DCLK1: variants seen among roughly 807,000 people sequenced by gnomAD.
DCLK1 encodes serine/threonine-protein kinase DCLK1.
Under a neutral mutation model 86.2 loss-of-function variants are expected in DCLK1, and 16 were observed. The ratio of observed to expected loss-of-function variants is 0.19; its 90% CI spans 0.13 to 0.28. DCLK1 has a LOEUF of 0.28. Ranked by LOEUF, DCLK1 falls within the 10% of genes least tolerant of loss-of-function variation. The pLI is 1.00. For missense variants in DCLK1, 590 were observed against 940.2 expected, an observed-to-expected ratio of 0.63 and a Z score of 4.87; for synonymous variants, 369 against 370.5, an observed-to-expected ratio of 1.00 and a Z score of 0.05.
In DCLK1 at chr13:35,805,796, T is replaced by C. The variant is rs767483569; in HGVS notation, c.1864-17A>G. ...AATGAGCTCCTGTGAAGGGGAACGT[T>C]AGAGTCCATTTATCTGAATTTAAGG... On this transcript the variant is annotated splice_polypyrimidine_tract_variant and intron_variant, in intron 14 of 16. Coordinates refer to ENST00000360631, the MANE Select transcript of DCLK1 (RefSeq NM_001330071.2). The C allele has an allele frequency of 6.2e-7, 1 of 1,608,860 alleles. No individual in the cohort carries two copies.
At chr13:35,992,897 A>G (rs1880299526) in intron 3 of DCLK1, among the ~76,000 whole-genome samples, 1 of 152,062 alleles carries the variant, frequency 6.6e-6, no homozygotes, top group Non-Finnish European at 1.5e-5. Context: ...GCACTGATAT[A>G]CTACTCCCCC....
At chr13:36,007,737 A>G (rs957450260) in intron 3 of DCLK1, among the ~76,000 whole-genome samples, 26 of 152,262 alleles carry the variant, frequency 1.7e-4, no homozygotes, top group Admixed American at 5.9e-4. Context: ...AGAAGAACAT[A>G]AACATTGAAA....
At chr13:35,790,184 T>C (rs1056672669) in intron 16 of DCLK1, among the ~76,000 whole-genome samples, 2 of 152,132 alleles carry the variant, frequency 1.3e-5, no homozygotes, top group Admixed American at 1.3e-4. Flanking sequence ...AAGAAAAAAA[T>C]GACAACATGA....
chr13:35,856,498 GA>G (rs1390240205), intron 5 of DCLK1, among the ~76,000 whole-genome samples: 3 of 152,106 alleles, frequency 2.0e-5, no homozygotes, highest in African/African-American at 7.2e-5. Flanking sequence ...AGATTGGAGG[GA>G]AAAAATGAGC....
chr13:35,778,325 A>C (rs1329915972), intron 16 of DCLK1, among the ~76,000 whole-genome samples: 1 of 152,216 alleles, frequency 6.6e-6, no homozygotes, highest in Non-Finnish European at 1.5e-5. Flanking sequence ...ATTATTACTC[A>C]AAATGATCCT....
intron 1 of DCLK1, among the ~76,000 whole-genome samples, chr13:36,130,475 C>G (rs2138231288): frequency 6.6e-6 from 1 of 152,274 alleles, no homozygotes; most frequent in Non-Finnish European, 1.5e-5. Context: ...TGGGGCATTG[C>G]GGGGCTGTGC....
chr13:35,849,262 CA>C, intron 6 of DCLK1: 1 of 985,040 alleles, frequency 1.0e-6, no homozygotes, highest in Non-Finnish European at 1.2e-6. Context: ...AACAATTTAT[CA>C]GGGAGATAAA....
Position 35,808,274 on chromosome 13 carries a change from G to C in DCLK1, c.1813C>G (p.Gln605Glu), listed in dbSNP as rs1184485999. 3.1e-6 allele frequency: 5 copies of C among 1,614,062 alleles called. No individual in the cohort carries two copies. Among genetic ancestry groups the C allele is most frequent in the Non-Finnish European group, 4.2e-6 (5 of 1,179,972 alleles). Reference protein sequence around the residue: ...EVLFDQILMGQVDFPSPYWDN... With the variant: ...EVLFDQILMGEVDFPSPYWDN... Reference sequence around the variant, plus strand: ...CAGTATGGAGAAGGAAAGTCCACCTGCCCCATCAAAATCTGATCAAAAAGC... The same window carrying C: ...CAGTATGGAGAAGGAAAGTCCACCTCCCCCATCAAAATCTGATCAAAAAGC... Residue 605 changes from glutamine (Q) to glutamate (E), a missense_variant, in exon 14 of 17, where the codon CAG (glutamine) becomes GAG (glutamate). This residue lies in a region of DCLK1 where 146 missense variants were observed against 190.2 expected (regional missense o/e 0.77). Transcript: ENST00000360631.
chr13:36,033,608 T>A (rs1882371402), intron 3 of DCLK1, among the ~76,000 whole-genome samples: 1 of 152,122 alleles, frequency 6.6e-6, no homozygotes, highest in Non-Finnish European at 1.5e-5. Flanking sequence ...AGTGCCAACC[T>A]GAGTCTGTTA....
intron 16 of DCLK1, among the ~76,000 whole-genome samples, chr13:35,785,913 C>T (rs2086613587): frequency 6.6e-6 from 1 of 152,198 alleles, no homozygotes; most frequent in Non-Finnish European, 1.5e-5. Context: ...TATAAAACTT[C>T]CTAATTAAGC....
At chr13:36,028,064 T>C (rs940840199) in intron 3 of DCLK1, among the ~76,000 whole-genome samples, 2 of 152,210 alleles carry the variant, frequency 1.3e-5, no homozygotes, top group African/African-American at 4.8e-5. Flanking sequence ...TTGTGATTCA[T>C]ATTTGATTTT....
chr13:35,936,962 C>CTTTTTTTGTTTTTTTTTTTTTTTTTT (rs1876787700), intron 4 of DCLK1, among the ~76,000 whole-genome samples: 1 of 65,712 alleles, frequency 1.5e-5, no homozygotes, highest in Non-Finnish European at 3.0e-5. Flanking sequence ...GAAAAGTTAG[C>CTTTTTTTGTTTTTTTTTTTTTTTTTT]TTTTTTTTTT....
At chr13:36,056,905 AAATATAT>A (rs952741201) in intron 3 of DCLK1, among the ~76,000 whole-genome samples, 1 of 138,190 alleles carries the variant, frequency 7.2e-6, no homozygotes, top group Non-Finnish European at 1.6e-5. Context: ...AAAAAAAAAA[AAATATAT>A]ATATATATAT....
Position 36,122,767 on chromosome 13 carries a change from G to A in DCLK1, c.376+2995C>T, listed in dbSNP as rs139367264. ...CAAACAAGAGTGTCACCTTTGGAATGCTCTTAAGTGTATGTGTGTGAATAT... is the reference window on the plus strand; with the variant it reads ...CAAACAAGAGTGTCACCTTTGGAATACTCTTAAGTGTATGTGTGTGAATAT... On this transcript the variant is annotated intron_variant, in intron 2 of 16. Coordinates refer to ENST00000360631, the MANE Select transcript of DCLK1 (RefSeq NM_001330071.2). Among the ~76,000 whole-genome samples the A allele has an allele frequency of 1.6e-3, 242 of 152,260 alleles. 1 individual carries two copies. The highest frequency in any genetic ancestry group is 5.5e-3 in the African/African-American group (228 of 41,532).
chr13:35,920,158 G>A (rs532089939), intron 4 of DCLK1, among the ~76,000 whole-genome samples: 3 of 152,248 alleles, frequency 2.0e-5, no homozygotes, highest in African/African-American at 4.8e-5. Context: ...AAATGTATAT[G>A]GACATCTCTC....
chr13:35,909,288 C>A (rs976310888), intron 4 of DCLK1, among the ~76,000 whole-genome samples: 4 of 152,214 alleles, frequency 2.6e-5, no homozygotes, highest in Non-Finnish European at 5.9e-5. Flanking sequence ...TCCTCTCCAC[C>A]TTGTCTTTCT....
chr13:35,943,642 C>T (rs1223526748), intron 4 of DCLK1, among the ~76,000 whole-genome samples: 2 of 152,062 alleles, frequency 1.3e-5, no homozygotes, highest in African/African-American at 4.8e-5. Context: ...GGTGAAGGAA[C>T]AAGCCAAGCA....
chr13:35,820,448 G>C (rs773246165), intron 11 of DCLK1, among the ~76,000 whole-genome samples: 1 of 152,066 alleles, frequency 6.6e-6, no homozygotes, highest in Non-Finnish European at 1.5e-5. Context: ...ATTTGAATGA[G>C]CATAATACAT....
chr13:35,775,652 G>T lies in DCLK1; in HGVS notation c.2059-953C>A, dbSNP rs74046422. 3.0e-3 allele frequency among the ~76,000 whole-genome samples: 461 copies of T among 152,210 alleles called. 2 individuals carry two copies. The highest frequency in any genetic ancestry group is 0.01 in the African/African-American group (427 of 41,492). ...TATAGAACACATATAAAAGTTGAAG[G>T]CGTTCTTATTTGAAAATCCCCCTTA... On this transcript the variant is annotated intron_variant, in intron 16 of 16. Transcript: ENST00000360631.
Sources: gnomAD v4.1 joint callset for allele counts (sites outside exome capture counted in the v4.1 genomes callset) on GRCh38, gnomAD v4.1.1 for gene constraint, gnomAD v4.1.1 regional missense constraint, MANE v1.5 for transcripts, NCBI Gene and HGNC (gene_info 2026-07-23, HGNC 2026-07-21) for gene names.